Variants in TSHZ3 observed in about 807,000 individuals in gnomAD.
The protein encoded by TSHZ3 is teashirt zinc finger homeobox 3.
TSHZ3 carries 10 observed loss-of-function variants against 64.5 expected under a neutral mutation model. That is an observed-to-expected ratio of 0.16 (90% confidence interval 0.10 to 0.26). The LOEUF (loss-of-function observed/expected upper bound fraction) is 0.26. Among genes scored for constraint, TSHZ3 ranks in the 10% least tolerant of loss-of-function variants. The pLI is 1.00. For synonymous variants in TSHZ3, 608 were observed against 593.1 expected, an observed-to-expected ratio of 1.03 and a Z score of -0.36; for missense variants, 1,242 against 1,421.7, an observed-to-expected ratio of 0.87 and a Z score of 2.03.
Position 31,163,359 on chromosome 19 carries a change from C to T in TSHZ3, n.810-6942G>A, listed in dbSNP as rs183751461. ...GCCTTGAATGCCAATTTTTAGAACTCAGATTTATTCTGTAGTGGAGAATAG... is the reference window on the plus strand; with the variant it reads ...GCCTTGAATGCCAATTTTTAGAACTTAGATTTATTCTGTAGTGGAGAATAG... On this transcript the variant is annotated intron_variant and non_coding_transcript_variant, in intron 5 of 6. Coordinates refer to the TSHZ3 transcript ENST00000651361. Among the ~76,000 whole-genome samples, 329 of 152,234 alleles carry T rather than the reference C, an allele frequency of 2.2e-3. 3 individuals carry two copies. Among genetic ancestry groups the T allele is most frequent in the African/African-American group, 7.4e-3 (307 of 41,552 alleles).
rs928429135 is a variant in TSHZ3 at position 31,288,566 on chromosome 19, G to A, written c.41-8814C>T. Among the ~76,000 whole-genome samples the A allele has an allele frequency of 1.4e-4, 22 of 152,052 alleles. 1 individual carries two copies. The highest frequency in any genetic ancestry group is 1.4e-3 in the Admixed American group (21 of 15,266). ...AGCTGGACTCTGGAGAGGACCTGCC[G>A]ATTCTCTGCTCTGTCGCCCAGCCTG... On this transcript the variant is annotated intron_variant, in intron 1 of 1. Coordinates refer to ENST00000240587, the MANE Select transcript of TSHZ3 (RefSeq NM_020856.4).
downstream of TSHZ3, among the ~76,000 whole-genome samples, chr19:31,272,734 A>G (rs1197727455): frequency 6.6e-6 from 1 of 152,202 alleles, no homozygotes; most frequent in Non-Finnish European, 1.5e-5. Context: ...TAGCACCATA[A>G]ATTAGTTAAA....
intron 5 of TSHZ3, among the ~76,000 whole-genome samples, chr19:31,157,275 A>G (rs1012507913): frequency 6.6e-6 from 1 of 152,190 alleles, no homozygotes; most frequent in African/African-American, 2.4e-5. Context: ...AGAGTAAAAG[A>G]CTAAGTAGCA....
chr19:31,232,746 T>G (rs1975557691), intron 3 of TSHZ3, among the ~76,000 whole-genome samples: 1 of 152,228 alleles, frequency 6.6e-6, no homozygotes, highest in Admixed American at 6.5e-5. Flanking sequence ...ACCGCTGGCC[T>G]CATTTCTATC....
chr19:31,244,737 G>A (rs987877585), intron 1 of TSHZ3, among the ~76,000 whole-genome samples: 11 of 151,992 alleles, frequency 7.2e-5, no homozygotes, highest in South Asian at 2.1e-4. Context: ...TCGACATCCC[G>A]GGTTCAAGTG....
intron 1 of TSHZ3, among the ~76,000 whole-genome samples, chr19:31,291,589 T>C (rs566855035): frequency 2.0e-5 from 3 of 152,124 alleles, no homozygotes; most frequent in Non-Finnish European, 4.4e-5. Context: ...AATAAATGTA[T>C]CAAGGAGGCA....
At chr19:31,320,473 G>A (rs988319286) in intron 1 of TSHZ3, among the ~76,000 whole-genome samples, 20 of 152,132 alleles carry the variant, frequency 1.3e-4, no homozygotes, top group Admixed American at 4.6e-4. Context: ...TTTCTGAGAC[G>A]TGACACCTGG....
At chr19:31,213,072 TTGACTGGG>T (rs1975279858) in intron 4 of TSHZ3, among the ~76,000 whole-genome samples, 1 of 151,954 alleles carries the variant, frequency 6.6e-6, no homozygotes, top group Non-Finnish European at 1.5e-5. Flanking sequence ...AGTAAAAAGA[TTGACTGGG>T]TGCGGTGGCT....
At chr19:31,261,932 G>C (rs1404650210) in intron 1 of TSHZ3, among the ~76,000 whole-genome samples, 4 of 152,148 alleles carry the variant, frequency 2.6e-5, no homozygotes, top group Non-Finnish European at 5.9e-5. Flanking sequence ...CCACCCCAAT[G>C]ATTCTCCTAT....
chr19:31,310,313 G>C (rs535377450), intron 1 of TSHZ3, among the ~76,000 whole-genome samples: 4 of 152,226 alleles, frequency 2.6e-5, no homozygotes, highest in African/African-American at 9.6e-5. Context: ...GGGCAGATTA[G>C]AGGAGAAAAA....
At chr19:31,257,957 G>A (rs1429832106) in intron 1 of TSHZ3, among the ~76,000 whole-genome samples, 4 of 152,206 alleles carry the variant, frequency 2.6e-5, no homozygotes, top group Admixed American at 1.3e-4. Flanking sequence ...TCCAGGGCAA[G>A]TAACTGATTT....
chr19:31,348,421 A>C (rs563313197), intron 1 of TSHZ3, among the ~76,000 whole-genome samples: 2 of 152,190 alleles, frequency 1.3e-5, no homozygotes, highest in East Asian at 1.9e-4. Flanking sequence ...AAAAGAAAAA[A>C]ATCGGCTCAG....
At chr19:31,247,161 G>A (rs970754390) in intron 1 of TSHZ3, among the ~76,000 whole-genome samples, 2 of 152,094 alleles carry the variant, frequency 1.3e-5, no homozygotes, top group African/African-American at 2.4e-5. Flanking sequence ...AACAAGAATC[G>A]TCAACGGATA....
At chr19:31,327,038 A>G (rs1916951694) in intron 1 of TSHZ3, among the ~76,000 whole-genome samples, 2 of 152,128 alleles carry the variant, frequency 1.3e-5, no homozygotes. Flanking sequence ...TCCTTACAGC[A>G]CTCAGCCAGG....
chr19:31,272,468 T>C (rs565914300), downstream of TSHZ3, among the ~76,000 whole-genome samples: 1 of 152,300 alleles, frequency 6.6e-6, no homozygotes, highest in African/African-American at 2.4e-5. Context: ...TTTTTCCTTT[T>C]GCAGAATGAA....
At chr19:31,213,644 T>C (rs1446689797) in intron 4 of TSHZ3, among the ~76,000 whole-genome samples, 1 of 152,098 alleles carries the variant, frequency 6.6e-6, no homozygotes, top group Non-Finnish European at 1.5e-5. Flanking sequence ...GGTAACGGGG[T>C]GATTGCATGT....
chr19:31,349,775 C>A (rs1252081673), upstream of TSHZ3, among the ~76,000 whole-genome samples: 6 of 147,086 alleles, frequency 4.1e-5, no homozygotes, highest in Admixed American at 3.3e-4. Context: ...GCGCAGCCGC[C>A]GCCGCGGCCC....
At chr19:31,349,980 C>T (rs1266792543), upstream of TSHZ3, among the ~76,000 whole-genome samples, 1 of 147,892 alleles carries the variant, frequency 6.8e-6, no homozygotes, top group Non-Finnish European at 1.5e-5. Flanking sequence ...CGCCTCCGCC[C>T]CGTGCGCACA....
At chr19:31,340,364 A>AAAC (rs1917394484) in intron 1 of TSHZ3, among the ~76,000 whole-genome samples, 1 of 148,270 alleles carries the variant, frequency 6.7e-6, no homozygotes, top group African/African-American at 2.5e-5. Context: ...AAAAAAAAAA[A>AAAC]CCACAGACTT....
Sources: allele counts gnomAD v4.1 joint callset (sites outside exome capture counted in the v4.1 genomes callset), GRCh38; gene constraint gnomAD v4.1.1; transcripts MANE v1.5; gene names NCBI Gene and HGNC (gene_info 2026-07-23, HGNC 2026-07-21).